Variants in ACER3 observed in about 807,000 individuals in gnomAD.
ACER3 encodes alkaline ceramidase 3.
A neutral mutation model predicts 48.9 loss-of-function variants in ACER3; 16 were observed. That is an observed-to-expected ratio of 0.33 (90% confidence interval 0.22 to 0.50). The LOEUF (loss-of-function observed/expected upper bound fraction) is 0.50, where lower values mean the gene tolerates loss of function less well. Among genes scored for constraint, ACER3 ranks in the 20% least tolerant of loss-of-function variants. The probability of loss-of-function intolerance (pLI) is 0.98; values close to 1 mark genes in which losing one functional copy is unlikely to be tolerated. For missense variants in ACER3, 227 were observed against 326.0 expected (o/e 0.70, Z 2.34); for synonymous variants, 109 against 107.8 (o/e 1.01, Z -0.07).
chr11:76,989,639 A>G (rs1340850031), intron 5 of ACER3, among the ~76,000 whole-genome samples: 2 of 152,244 alleles, frequency 1.3e-5, no homozygotes, highest in African/African-American at 4.8e-5. Context: ...GAGGAAGCAC[A>G]GTACTTTCTG....
intron 3 of ACER3, among the ~76,000 whole-genome samples, chr11:76,972,629 C>T (rs1217799560): frequency 6.6e-6 from 1 of 152,200 alleles, no homozygotes; most frequent in Admixed American, 6.5e-5. Context: ...TTTTCTGTGA[C>T]ACCCTGATCT....
rs544311676 is a variant in ACER3 at position 76,917,287 on chromosome 11, T to C, written c.104-9270T>C. On this transcript the variant is annotated intron_variant, in intron 1 of 10. Transcript: ENST00000532485. The stretch of plus-strand genomic sequence containing the variant: ...AAATGTTTCTGGGCAATATTGGTGG[T>C]TTAAAAATATTTTTAGTAATACTTA... 2.1e-4 allele frequency among the ~76,000 whole-genome samples: 32 copies of C among 152,268 alleles called. No homozygotes were observed. In the East Asian group the frequency reaches 5.6e-3, roughly 27 times the overall value.
chr11:76,957,403 A>C (rs999898428), intron 2 of ACER3: 1 of 424,302 alleles, frequency 2.4e-6, no homozygotes, highest in African/African-American at 2.0e-5. Context: ...AGAATTATTG[A>C]ATACATATAT....
chr11:76,883,291 A>G (rs1170920765), intron 1 of ACER3, among the ~76,000 whole-genome samples: 5 of 152,084 alleles, frequency 3.3e-5, no homozygotes, highest in Non-Finnish European at 5.9e-5. Context: ...AGAAGTTTAT[A>G]TGGACCTTTT....
chr11:76,864,286 G>C (rs948374996), intron 1 of ACER3, among the ~76,000 whole-genome samples: 1 of 152,206 alleles, frequency 6.6e-6, no homozygotes, highest in African/African-American at 2.4e-5. Context: ...GGCAGTCCTT[G>C]CTTTGCATCA....
Position 76,985,730 on chromosome 11 carries a change from T to C in ACER3, c.402+6T>C. 1 of 1,482,906 alleles carries C rather than the reference T, an allele frequency of 6.7e-7. No homozygotes were observed. The highest frequency in any genetic ancestry group is 9.1e-7 in the Non-Finnish European group (1 of 1,104,782). 91.9% of individuals were successfully genotyped at this position (1,482,906 alleles called of 1,614,324 possible). ...TCAGTTTAATAGTAACCACAGTAAG[T>C]CATATTTTGTTTCTAACAGATTAAG... On this transcript the variant is annotated splice_donor_region_variant and intron_variant, in intron 5 of 10. Coordinates refer to ENST00000532485, the MANE Select transcript of ACER3 (RefSeq NM_018367.7).
At chr11:77,009,537 CA>C (rs1449039964) in intron 7 of ACER3, among the ~76,000 whole-genome samples, 1 of 152,194 alleles carries the variant, frequency 6.6e-6, no homozygotes, top group Admixed American at 6.5e-5. Flanking sequence ...TGGCCAGGCA[CA>C]GTGGCTCACA....
intron 2 of ACER3, among the ~76,000 whole-genome samples, chr11:76,950,284 G>GTCTGT (rs1168413761): frequency 3.0e-5 from 1 of 33,298 alleles, no homozygotes; most frequent in Non-Finnish European, 2.1e-4. Flanking sequence ...AGCCGGAGTA[G>GTCTGT]AGTCTAAAGT....
At chr11:76,987,479 G>C (rs1406303045) in intron 5 of ACER3, among the ~76,000 whole-genome samples, 1 of 152,172 alleles carries the variant, frequency 6.6e-6, no homozygotes, top group African/African-American at 2.4e-5. Flanking sequence ...TAGGGGTAGA[G>C]ATAAATTCAA....
intron 1 of ACER3, among the ~76,000 whole-genome samples, chr11:76,921,186 A>C (rs1013126380): frequency 6.6e-6 from 1 of 152,056 alleles, no homozygotes; most frequent in Non-Finnish European, 1.5e-5. Flanking sequence ...TTCATGTCCT[A>C]CTGAAAAAAA....
chr11:76,892,076 A>C (rs1945821555), intron 1 of ACER3, among the ~76,000 whole-genome samples: 1 of 152,204 alleles, frequency 6.6e-6, no homozygotes, highest in South Asian at 2.1e-4. Context: ...AAGGGATATA[A>C]CACAAGATTG....
At chr11:76,937,171 A>G (rs997496896) in intron 2 of ACER3, among the ~76,000 whole-genome samples, 2 of 152,250 alleles carry the variant, frequency 1.3e-5, no homozygotes. Context: ...AATGAAAACT[A>G]CACTGATACA....
chr11:76,898,903 CAAAAAAAAAAAAAAA>C (rs59278347), intron 1 of ACER3, among the ~76,000 whole-genome samples: 14 of 55,832 alleles, frequency 2.5e-4, no homozygotes, highest in African/African-American at 1.0e-3. Context: ...GACTCCGTCT[CAAAAAAAAAAAAAAA>C]AAAAAAAAAA....
intron 2 of ACER3, among the ~76,000 whole-genome samples, chr11:76,949,608 ATT>A (rs1309759760): frequency 1.3e-5 from 2 of 152,156 alleles, no homozygotes; most frequent in African/African-American, 4.8e-5. Context: ...AACAAATCCC[ATT>A]TTGTTTTCAC....
rs1399998972 is a variant in ACER3 at position 77,022,528 on chromosome 11, AC to A, written c.*2202del. 1 of 152,242 alleles carries A rather than the reference AC, an allele frequency of 6.6e-6. No individual in the cohort carries two copies. Among genetic ancestry groups the A allele is most frequent in the Non-Finnish European group, 1.5e-5 (1 of 68,054 alleles). The allele number at this position is 152,242 out of a possible 1,614,324, so 9.4% of individuals were successfully genotyped here. On this transcript the variant is annotated 3_prime_UTR_variant, in exon 11 of 11. Transcript: ENST00000532485. ...AGGCTCTCTTTTTAGCTACTAAGTA[AC>A]ATACTCAAGACTTTGTATCTGTGCA...
chr11:76,881,965 G>T (rs1945536559), intron 1 of ACER3, among the ~76,000 whole-genome samples: 1 of 147,878 alleles, frequency 6.8e-6, no homozygotes, highest in African/African-American at 2.5e-5. Context: ...TAGTTTATAG[G>T]TTCATTAGGA....
intron 3 of ACER3, among the ~76,000 whole-genome samples, chr11:76,960,638 G>T (rs778519703): frequency 5.3e-5 from 8 of 152,078 alleles, no homozygotes; most frequent in Non-Finnish European, 8.8e-5. Context: ...AGCCACATGG[G>T]GTGGGGACCA....
intron 3 of ACER3, among the ~76,000 whole-genome samples, chr11:76,972,993 G>A (rs1948346580): frequency 6.6e-6 from 1 of 152,220 alleles, no homozygotes; most frequent in Non-Finnish European, 1.5e-5. Context: ...GTGGACTTCT[G>A]GGCTTCCAGT....
At chr11:76,942,763 G>T (rs1460391076) in intron 2 of ACER3, among the ~76,000 whole-genome samples, 2 of 151,902 alleles carry the variant, frequency 1.3e-5, no homozygotes, top group Non-Finnish European at 2.9e-5. Flanking sequence ...ATTGGTATTA[G>T]TTCTTCTTTG....
Sources: gnomAD v4.1 joint callset for allele counts (sites outside exome capture counted in the v4.1 genomes callset) on GRCh38, gnomAD v4.1.1 for gene constraint, MANE v1.5 for transcripts, NCBI Gene and HGNC (gene_info 2026-07-23, HGNC 2026-07-21) for gene names.